The following VWF variants were observed in gnomAD, a reference collection of about 807,000 sequenced individuals.
VWF encodes the protein Factor VIII related antigen.
A neutral mutation model predicts 308.6 loss-of-function variants in VWF; 176 were observed. The observed-to-expected ratio is 0.57, with a 90% CI of 0.50 to 0.65. VWF has a LOEUF of 0.65. Among genes scored for constraint, VWF ranks in the 30% least tolerant of loss-of-function variants. The pLI is 0.00. For synonymous variants in VWF, 1,385 were observed against 1,443.4 expected, an observed-to-expected ratio of 0.96 and a Z score of 0.92; for missense variants, 3,146 against 3,648.2, an observed-to-expected ratio of 0.86 and a Z score of 3.55.
At chr12:6,070,147 G>A (rs75535017) in intron 10 of VWF, among the ~76,000 whole-genome samples, 1 of 152,318 alleles carries the variant, frequency 6.6e-6, no homozygotes, top group African/African-American at 2.4e-5. Flanking sequence ...CTTGGACATG[G>A]TGTAATTACG....
At chr12:6,118,451 A>C (rs1269448723) in intron 3 of VWF, among the ~76,000 whole-genome samples, 3 of 140,986 alleles carry the variant, frequency 2.1e-5, no homozygotes, top group East Asian at 2.1e-4. Flanking sequence ...GCAATGGCGC[A>C]ATCTCGGCTC....
At chr12:6,034,614 AC>A in intron 20 of VWF, 73 bp downstream of exon 20, 11 of 1,609,810 alleles carry the variant, frequency 6.8e-6, no homozygotes, top group Non-Finnish European at 9.3e-6. Flanking sequence ...GATCCACAGA[AC>A]CCAACCTGAG....
chr12:6,057,663 G>A (rs893212744), intron 14 of VWF, among the ~76,000 whole-genome samples, 186 bp downstream of exon 14: 13 of 150,086 alleles, frequency 8.7e-5, no homozygotes, highest in African/African-American at 3.2e-4. Context: ...CCCAATAAAG[G>A]GACTTTGAAG....
chr12:6,115,285 C>T (rs900612251), intron 3 of VWF, among the ~76,000 whole-genome samples: 7 of 152,304 alleles, frequency 4.6e-5, no homozygotes, highest in South Asian at 2.1e-4. Flanking sequence ...GCAATCCTCC[C>T]GCTTCAGCCT....
intron 6 of VWF, among the ~76,000 whole-genome samples, chr12:6,083,738 A>C (rs1252919791): frequency 6.6e-6 from 1 of 152,202 alleles, no homozygotes; most frequent in Non-Finnish European, 1.5e-5. Flanking sequence ...CAGAGCTGCT[A>C]GGAATAAGAT....
At chr12:6,034,145 T>C (rs1944305473) in intron 20 of VWF, among the ~76,000 whole-genome samples, 1 of 152,118 alleles carries the variant, frequency 6.6e-6, no homozygotes. Context: ...TTCTGAATTG[T>C]ACCAAGTTAG....
chr12:6,007,271 T>G (rs1278802228), intron 34 of VWF, among the ~76,000 whole-genome samples: 1 of 152,156 alleles, frequency 6.6e-6, no homozygotes. Context: ...AACAGCAAAT[T>G]ATACATTCTT....
At chr12:6,110,255 T>C (rs528405400) in intron 5 of VWF, 119 bp downstream of exon 5, 35 of 1,075,984 alleles carry the variant, frequency 3.3e-5, no homozygotes, top group Middle Eastern at 2.4e-4. Context: ...GCAACATAAA[T>C]TGAGGTGAGG....
chr12:5,966,988 C>T (rs1165420346), intron 47 of VWF, among the ~76,000 whole-genome samples: 4 of 152,226 alleles, frequency 2.6e-5, no homozygotes, highest in African/African-American at 4.8e-5. Flanking sequence ...GTATTCAGAA[C>T]AAGCATCGTC....
In VWF at chr12:6,005,444, A is replaced by C. The variant is rs1388660879; in HGVS notation, c.5842+6173T>G. On this transcript the variant is annotated intron_variant, in intron 34 of 51. Coordinates refer to ENST00000261405, the MANE Select transcript of VWF (RefSeq NM_000552.5). ...GTTCAAATATTTAAAATAACGAATA[A>C]GATTAAAACCCAATGGAAAGTAGAA... Among the ~76,000 whole-genome samples the C allele has an allele frequency of 9.2e-5, 14 of 152,340 alleles. No homozygotes were observed. In the East Asian group the frequency reaches 2.5e-3, roughly 27 times the overall value.
At chr12:6,071,600 C>T (rs182264708) in intron 9 of VWF, among the ~76,000 whole-genome samples, 1 of 152,160 alleles carries the variant, frequency 6.6e-6, no homozygotes, top group African/African-American at 2.4e-5. Context: ...ACTACCTGAT[C>T]CCCCTGAAAA....
chr12:6,034,079 G>A (rs1166929681), intron 20 of VWF, among the ~76,000 whole-genome samples: 3 of 152,198 alleles, frequency 2.0e-5, no homozygotes, highest in Admixed American at 6.5e-5. Flanking sequence ...TTCCTGGATC[G>A]CTCTCATCTG....
chr12:5,971,460 A>C (rs544690565), intron 44 of VWF, 139 bp downstream of exon 44: 1 of 717,902 alleles, frequency 1.4e-6, no homozygotes, highest in South Asian at 1.6e-5. Flanking sequence ...CCCAGCTGGC[A>C]TCTGGATAAC....
intron 18 of VWF, among the ~76,000 whole-genome samples, chr12:6,042,981 A>G (rs1944410855): frequency 1.3e-5 from 2 of 152,178 alleles, no homozygotes; most frequent in South Asian, 4.1e-4. Flanking sequence ...AAGAAGAGCA[A>G]TAAGGAAGAT....
At chr12:6,062,926 G>A in intron 13 of VWF, 28 bp downstream of exon 13, 2 of 1,593,608 alleles carry the variant, frequency 1.3e-6, no homozygotes, top group Non-Finnish European at 1.7e-6. Context: ...CGGGCCGCAG[G>A]GAGCCAGTAC....
rs78468098 is a variant in VWF, at chr12:6,070,586, T to C, written c.1156+711A>G. Among the ~76,000 whole-genome samples, 751 of 152,284 alleles carry C rather than the reference T, an allele frequency of 4.9e-3. 5 individuals carry two copies. The highest frequency in any genetic ancestry group is 0.017 in the African/African-American group (705 of 41,542). ...GAATAAATTGCACCTGCCTCACAGGTTGTAACCGGAAAGTGTTTAGCACAG... is the reference window on the plus strand; with the variant it reads ...GAATAAATTGCACCTGCCTCACAGGCTGTAACCGGAAAGTGTTTAGCACAG... On this transcript the variant is annotated intron_variant, in intron 10 of 51. Transcript: ENST00000261405.
chr12:6,055,096 T>C (rs1485134651), intron 15 of VWF, among the ~76,000 whole-genome samples: 1 of 152,220 alleles, frequency 6.6e-6, no homozygotes, highest in Non-Finnish European at 1.5e-5. Flanking sequence ...AGTCAAGACA[T>C]TCTTTAACTG....
chr12:5,969,760 G>A (rs1943448952), intron 44 of VWF, among the ~76,000 whole-genome samples: 1 of 152,220 alleles, frequency 6.6e-6, no homozygotes, highest in South Asian at 2.1e-4. Flanking sequence ...TCCCAGGCTG[G>A]TGCCACTTCC....
At position 5,969,061 on chromosome 12, in the gene VWF, C is replaced by A. The variant is rs1164823245; in HGVS notation, c.7729+150G>T. ...ATGGTTTTCCCATTTAATTTGCTTT[C>A]TCATAAAAGCAGTAGGAGCAGATGG... On this transcript the variant is annotated intron_variant, in intron 45 of 51. Transcript: ENST00000261405. The A allele has an allele frequency of 1.6e-5, 14 of 860,220 alleles. No homozygotes were observed. In the African/African-American group the frequency reaches 2.4e-4, roughly 15 times the overall value. The allele number at this position is 860,220 out of a possible 1,614,324, so 53.3% of individuals were successfully genotyped here. A position where few individuals can be genotyped will look rare whatever the true frequency, so the allele number is the denominator to read the frequency against.
Sources: allele counts gnomAD v4.1 joint callset (sites outside exome capture counted in the v4.1 genomes callset), GRCh38; gene constraint gnomAD v4.1.1; transcripts MANE v1.5; gene names NCBI Gene and HGNC (gene_info 2026-07-23, HGNC 2026-07-21).